The following DLGAP2 variants were observed in gnomAD, a reference collection of about 807,000 sequenced individuals.
The protein encoded by DLGAP2 is DLG associated protein 2.
Under a neutral mutation model 100.3 loss-of-function variants are expected in DLGAP2, and 26 were observed. The ratio of observed to expected loss-of-function variants is 0.26; its 90% CI spans 0.19 to 0.36. The LOEUF (loss-of-function observed/expected upper bound fraction) is 0.36. Among genes scored for constraint, DLGAP2 ranks in the 10% least tolerant of loss-of-function variants. DLGAP2 has a pLI of 1.00. For missense variants in DLGAP2, 1,858 were observed against 1,453.2 expected, an observed-to-expected ratio of 1.28 and a Z score of -4.53; for synonymous variants, 886 against 630.1, an observed-to-expected ratio of 1.41 and a Z score of -6.08.
chr8:1,087,303 G>C (rs1162586950), intron 2 of DLGAP2, among the ~76,000 whole-genome samples: 1 of 152,124 alleles, frequency 6.6e-6, no homozygotes, highest in Admixed American at 6.5e-5. Flanking sequence ...CATGATTTTA[G>C]TATGCCCAGA....
chr8:1,178,098 C>G (rs7838460), intron 2 of DLGAP2, among the ~76,000 whole-genome samples: 3 of 151,986 alleles, frequency 2.0e-5, no homozygotes, highest in Non-Finnish European at 4.4e-5. Flanking sequence ...CTGGTGGTGT[C>G]AGAGTCATTA....
intron 1 of DLGAP2, among the ~76,000 whole-genome samples, chr8:886,155 C>T (rs1797917755): frequency 1.3e-5 from 2 of 152,226 alleles, no homozygotes; most frequent in South Asian, 2.1e-4. Context: ...GGAATCTATC[C>T]AGTTATTTTA....
chr8:828,691 T>A (rs1796726740), intron 1 of DLGAP2, among the ~76,000 whole-genome samples: 1 of 152,186 alleles, frequency 6.6e-6, no homozygotes, highest in Non-Finnish European at 1.5e-5. Context: ...GGGTACTGAT[T>A]GGGGAAGTGA....
At chr8:873,142 T>G (rs1797630240) in intron 1 of DLGAP2, among the ~76,000 whole-genome samples, 1 of 152,350 alleles carries the variant, frequency 6.6e-6, no homozygotes, top group African/African-American at 2.4e-5. Flanking sequence ...GTGTAAATGC[T>G]TTGCATGAAT....
At chr8:1,209,402 T>G (rs1217767146) in intron 2 of DLGAP2, among the ~76,000 whole-genome samples, 1 of 152,200 alleles carries the variant, frequency 6.6e-6, no homozygotes, top group Non-Finnish European at 1.5e-5. Context: ...TTCCCTACAT[T>G]TTAAATTCCA....
rs75140159 is a variant in DLGAP2 at position 1,319,347 on chromosome 8, A to G, written c.106+60464A>G. Among the ~76,000 whole-genome samples, 30 of 152,350 alleles carry G rather than the reference A, an allele frequency of 2.0e-4. No homozygotes were observed. The East Asian group carries it at 5.8e-3, about 29-fold the overall frequency. ...CCTTCTCTGACTCAAATCCCAGATCAGAGGTTCATGCAGGTGTTGGGAGAG... is the reference window on the plus strand; with the variant it reads ...CCTTCTCTGACTCAAATCCCAGATCGGAGGTTCATGCAGGTGTTGGGAGAG... On this transcript the variant is annotated intron_variant, in intron 3 of 14. Transcript: ENST00000637795.
chr8:1,346,781 A>G (rs13251064), intron 3 of DLGAP2, among the ~76,000 whole-genome samples: 7 of 102,398 alleles, frequency 6.8e-5, no homozygotes, highest in Admixed American at 1.0e-4. Context: ...CCTATACAGA[A>G]CTGCTTTGAA....
chr8:1,165,339 C>G (rs1004301181), intron 2 of DLGAP2, among the ~76,000 whole-genome samples: 4 of 152,144 alleles, frequency 2.6e-5, no homozygotes, highest in Admixed American at 1.3e-4. Context: ...CATCAGCCCT[C>G]AGGGCCCCAG....
At chr8:1,174,092 T>A (rs552040095) in intron 2 of DLGAP2, among the ~76,000 whole-genome samples, 1 of 152,122 alleles carries the variant, frequency 6.6e-6, no homozygotes, top group Non-Finnish European at 1.5e-5. Flanking sequence ...GGGAGCAGTG[T>A]TAAACAGTGA....
intron 3 of DLGAP2, among the ~76,000 whole-genome samples, chr8:1,367,029 A>AAC (rs1215258281): frequency 6.6e-6 from 1 of 152,146 alleles, no homozygotes; most frequent in Non-Finnish European, 1.5e-5. Context: ...CAACCCCTCC[A>AAC]ACACACACAC....
intron 3 of DLGAP2, among the ~76,000 whole-genome samples, chr8:1,349,242 T>A (rs140281060): frequency 1.1e-3 from 168 of 151,668 alleles, no homozygotes; most frequent in African/African-American, 3.6e-3. Context: ...TTGAGATACT[T>A]AAACTAGGTG....
chr8:1,057,722 G>C lies in DLGAP2; in HGVS notation c.73+149756G>C, dbSNP rs552135809. 7.2e-5 allele frequency among the ~76,000 whole-genome samples: 11 copies of C among 152,300 alleles called. No homozygotes were observed. In the South Asian group the frequency reaches 2.1e-3, roughly 29 times the overall value. On this transcript the variant is annotated intron_variant, in intron 2 of 14. Coordinates refer to ENST00000637795, the MANE Select transcript of DLGAP2 (RefSeq NM_001346810.2). ...GAACAGCTTGTGGCCTTTCATCTTT[G>C]AGAATTGTGACTATGTTCATTGATA...
intron 2 of DLGAP2, among the ~76,000 whole-genome samples, chr8:1,103,439 C>T (rs116572605): frequency 0.051 from 7,299 of 143,176 alleles, 1,210 homozygotes; most frequent in African/African-American, 0.18. Flanking sequence ...CTTTGGTTAA[C>T]GGTGATGACT....
intron 13 of DLGAP2, among the ~76,000 whole-genome samples, chr8:1,694,751 C>T (rs967965215): frequency 6.6e-6 from 1 of 152,094 alleles, no homozygotes; most frequent in Admixed American, 6.5e-5. Context: ...ACGCCGGATG[C>T]CAGAGCCACA....
At chr8:1,534,235 T>G (rs1801079235) in intron 4 of DLGAP2, among the ~76,000 whole-genome samples, 1 of 152,228 alleles carries the variant, frequency 6.6e-6, no homozygotes, top group Non-Finnish European at 1.5e-5. Flanking sequence ...ACAATTATAA[T>G]TACTTTTGTG....
chr8:1,316,751 A>G (rs1490606375), intron 3 of DLGAP2, among the ~76,000 whole-genome samples: 1 of 144,584 alleles, frequency 6.9e-6, no homozygotes. Context: ...AGCTTTAAAA[A>G]TAGAGCGTGT....
chr8:1,370,459 G>C (rs1468207142), intron 3 of DLGAP2, among the ~76,000 whole-genome samples: 1 of 152,156 alleles, frequency 6.6e-6, no homozygotes, highest in African/African-American at 2.4e-5. Flanking sequence ...ACTTAAAATA[G>C]GTTGGGGCAT....
intron 8 of DLGAP2, among the ~76,000 whole-genome samples, chr8:1,634,438 C>T (rs538022568): frequency 6.6e-6 from 1 of 152,286 alleles, no homozygotes; most frequent in East Asian, 1.9e-4. Context: ...ACACATCCCC[C>T]AGGTGCAGCC....
intron 3 of DLGAP2, among the ~76,000 whole-genome samples, chr8:1,267,607 AT>A (rs1563052036): frequency 1.9e-5 from 2 of 106,630 alleles, no homozygotes; most frequent in African/African-American, 8.7e-5. Flanking sequence ...ATAAGATAAG[AT>A]AAGATAAGAT....
Sources: gnomAD v4.1 joint callset for allele counts (sites outside exome capture counted in the v4.1 genomes callset) on GRCh38, gnomAD v4.1.1 for gene constraint, MANE v1.5 for transcripts, NCBI Gene and HGNC (gene_info 2026-07-23, HGNC 2026-07-21) for gene names.